The following EXT2 variants were observed in gnomAD, a reference collection of about 807,000 sequenced individuals.
EXT2 encodes the protein exostosin-2.
A neutral mutation model predicts 81.6 loss-of-function variants in EXT2; 53 were observed. The ratio of observed to expected loss-of-function variants is 0.65; its 90% confidence interval spans 0.52 to 0.82. The LOEUF is 0.82. Among genes scored for constraint, EXT2 ranks in the 40% least tolerant of loss-of-function variants. The probability of loss-of-function intolerance (pLI) is 0.00; values close to 1 mark genes in which losing one functional copy is unlikely to be tolerated. For synonymous variants in EXT2, 320 were observed against 340.0 expected (o/e 0.94, Z 0.65); for missense variants, 774 against 910.2 (o/e 0.85, Z 1.93).
intron 4 of EXT2, among the ~76,000 whole-genome samples, chr11:44,124,214 C>G (rs1456802351): frequency 1.3e-5 from 2 of 152,100 alleles, no homozygotes; most frequent in African/African-American, 4.8e-5. Flanking sequence ...ATTTATGTGG[C>G]CTTGATGATG....
rs76636572 is a variant in EXT2, at chr11:44,203,725, G to C, written c.1496-3068G>C. 5.5e-3 allele frequency among the ~76,000 whole-genome samples: 839 copies of C among 151,924 alleles called. 13 individuals are homozygous for C. Among genetic ancestry groups the C allele is most frequent in the African/African-American group, 0.019 (794 of 41,480 alleles). On this transcript the variant is annotated intron_variant, in intron 9 of 13. Transcript: ENST00000533608. ...ACACTTGCTAGAGACAAGTGCCCCT[G>C]CCTGCCTGCCTGCCTGCCTGCTGGC... is the stretch of plus-strand genomic sequence containing the variant.
At chr11:44,213,132 T>C (rs1273461646) in intron 10 of EXT2, among the ~76,000 whole-genome samples, 1 of 152,032 alleles carries the variant, frequency 6.6e-6, no homozygotes, top group Admixed American at 6.6e-5. Flanking sequence ...GCTTATATTA[T>C]AAAAAGAAGA....
At chr11:44,099,385 C>G (rs1442519231) in intron 1 of EXT2, among the ~76,000 whole-genome samples, 1 of 152,162 alleles carries the variant, frequency 6.6e-6, no homozygotes, top group Non-Finnish European at 1.5e-5. Flanking sequence ...TGGGGTTTCA[C>G]TGTGTTAGCC....
intron 7 of EXT2, among the ~76,000 whole-genome samples, chr11:44,153,028 A>C (rs1180424115): frequency 6.6e-6 from 1 of 152,200 alleles, no homozygotes; most frequent in Non-Finnish European, 1.5e-5. Flanking sequence ...ATACAAATTT[A>C]GAATCAGTTT....
At position 44,189,466 on chromosome 11, in the gene EXT2, G is replaced by A. The variant is rs377539408; in HGVS notation, c.1306-8363G>A. On this transcript the variant is annotated intron_variant, in intron 8 of 13. Coordinates refer to ENST00000533608, the MANE Select transcript of EXT2 (RefSeq NM_207122.2). Reference sequence around the variant, plus strand: ...TAATTGGCTCTTGTTTCTGCAGGCTGTACAGGCTTCTGCTTCTGGGGAAGC... The same window carrying A: ...TAATTGGCTCTTGTTTCTGCAGGCTATACAGGCTTCTGCTTCTGGGGAAGC... Among the ~76,000 whole-genome samples, 158 of 152,338 alleles carry A rather than the reference G, an allele frequency of 1.0e-3. 1 individual carries two copies. Among genetic ancestry groups the A allele is most frequent in the South Asian group, 9.9e-3 (48 of 4,826 alleles).
chr11:44,204,448 A>C (rs1476211547), intron 9 of EXT2, among the ~76,000 whole-genome samples: 2 of 152,228 alleles, frequency 1.3e-5, no homozygotes, highest in African/African-American at 4.8e-5. Flanking sequence ...TTTTAAGAGC[A>C]TGAAGGGATT....
intron 10 of EXT2, among the ~76,000 whole-genome samples, chr11:44,209,683 G>A (rs1955624916): frequency 6.6e-6 from 1 of 152,192 alleles, no homozygotes; most frequent in South Asian, 2.1e-4. Context: ...ACAGTCCCTT[G>A]GGATTATATC....
At chr11:44,202,394 A>G (rs1955532434) in intron 9 of EXT2, among the ~76,000 whole-genome samples, 1 of 152,230 alleles carries the variant, frequency 6.6e-6, no homozygotes, top group Non-Finnish European at 1.5e-5. Context: ...TAGCTAGCCT[A>G]GTTTCTCTAC....
At chr11:44,172,513 C>G (rs763760016) in intron 8 of EXT2, among the ~76,000 whole-genome samples, 4 of 152,062 alleles carry the variant, frequency 2.6e-5, no homozygotes, top group Non-Finnish European at 5.9e-5. Context: ...AGACTGTTCT[C>G]CATTCTTCAT....
rs1956138345 is a variant in EXT2, at chr11:44,251,588, A to G, written c.*7301A>G. Among the ~76,000 whole-genome samples the G allele has an allele frequency of 6.6e-6, 1 of 152,216 alleles. No individual in the cohort carries two copies. Among genetic ancestry groups the G allele is most frequent in the Non-Finnish European group, 1.5e-5 (1 of 68,026 alleles). Reference sequence around the variant, plus strand: ...ATTACTCTGGTTAAATCACTCAGTAAAGAAATCTTTTCATGCTCACAATCT... The same window carrying G: ...ATTACTCTGGTTAAATCACTCAGTAGAGAAATCTTTTCATGCTCACAATCT... On this transcript the variant is annotated 3_prime_UTR_variant, in exon 14 of 14. Transcript: ENST00000533608.
At chr11:44,233,870 A>T (rs1422364387) in intron 11 of EXT2, among the ~76,000 whole-genome samples, 1 of 152,142 alleles carries the variant, frequency 6.6e-6, no homozygotes, top group Non-Finnish European at 1.5e-5. Context: ...GTAGTTTTAG[A>T]ATTGCCTCAT....
chr11:44,109,162 T>C (rs941586643), intron 2 of EXT2, 32 bp from the exon 3 acceptor site: 5 of 1,608,512 alleles, frequency 3.1e-6, no homozygotes, highest in Non-Finnish European at 4.3e-6. Flanking sequence ...AGTTGACACA[T>C]TAATTCTCCT....
chr11:44,209,202 G>T (rs1453781253), intron 10 of EXT2, among the ~76,000 whole-genome samples: 1 of 152,198 alleles, frequency 6.6e-6, no homozygotes, highest in African/African-American at 2.4e-5. Flanking sequence ...AGTCTAGGTT[G>T]GGTTCAGAGC....
At chr11:44,207,336 C>T (rs908390300) in intron 10 of EXT2, among the ~76,000 whole-genome samples, 4 of 152,220 alleles carry the variant, frequency 2.6e-5, no homozygotes, top group Non-Finnish European at 5.9e-5. Flanking sequence ...AAGAAGCTGG[C>T]GACACTGACA....
At chr11:44,202,379 C>A (rs1955532402) in intron 9 of EXT2, among the ~76,000 whole-genome samples, 1 of 152,202 alleles carries the variant, frequency 6.6e-6, no homozygotes, top group Non-Finnish European at 1.5e-5. Flanking sequence ...CATACTTAAT[C>A]AAAGTAGCTA....
chr11:44,200,675 G>A (rs1955512297), intron 9 of EXT2, among the ~76,000 whole-genome samples: 2 of 152,166 alleles, frequency 1.3e-5, no homozygotes, highest in African/African-American at 4.8e-5. Context: ...GCGGGGAGTT[G>A]GGTCATGAGA....
chr11:44,105,409 A>G (rs1391440762), intron 1 of EXT2, among the ~76,000 whole-genome samples: 1 of 152,152 alleles, frequency 6.6e-6, no homozygotes, highest in Admixed American at 6.5e-5. Context: ...GTCTTGCCTC[A>G]GCCTCCCAAG....
chr11:44,140,807 C>G (rs1954635363), intron 7 of EXT2, among the ~76,000 whole-genome samples: 1 of 152,212 alleles, frequency 6.6e-6, no homozygotes, highest in African/African-American at 2.4e-5. Flanking sequence ...ATATTTCTAA[C>G]TACTCTGTAT....
chr11:44,229,414 C>T (rs1386064969), intron 10 of EXT2, among the ~76,000 whole-genome samples: 1 of 152,204 alleles, frequency 6.6e-6, no homozygotes, highest in Admixed American at 6.5e-5. Flanking sequence ...GGTCGATTAG[C>T]TCTGTTGGTT....
Sources: gnomAD v4.1 joint callset for allele counts (sites outside exome capture counted in the v4.1 genomes callset) on GRCh38, gnomAD v4.1.1 for gene constraint, MANE v1.5 for transcripts, NCBI Gene and HGNC (gene_info 2026-07-23, HGNC 2026-07-21) for gene names.